Variants in MLYCD observed in about 807,000 individuals in gnomAD.
The protein encoded by MLYCD is malonyl-CoA decarboxylase, mitochondrial.
Under a neutral mutation model 35.8 loss-of-function variants are expected in MLYCD, and 27 were observed. That is an observed-to-expected ratio of 0.75 (90% CI 0.56 to 1.04). MLYCD has a LOEUF of 1.04. Among genes scored for constraint, MLYCD ranks in the 50% least tolerant of loss-of-function variants. The pLI, the probability that MLYCD is intolerant of heterozygous loss-of-function variation, is 0.00. For missense variants in MLYCD, 917 were observed against 665.1 expected (o/e 1.38, Z -4.17); for synonymous variants, 403 against 302.4 (o/e 1.33, Z -3.45).
At chr16:83,903,928 G>A (rs936850059) in intron 1 of MLYCD, among the ~76,000 whole-genome samples, 1 of 152,196 alleles carries the variant, frequency 6.6e-6, no homozygotes. Flanking sequence ...TTCCCTGGTG[G>A]TGTTTGTATC....
Position 83,917,984 on chromosome 16 carries a change from G to A in MLYCD, c.*2495G>A, listed in dbSNP as rs887039657. The A allele has an allele frequency of 2.0e-5, 3 of 152,204 alleles. No homozygotes were observed. Among genetic ancestry groups the A allele is most frequent in the African/African-American group, 7.2e-5 (3 of 41,440 alleles). The allele number at this position is 152,204 out of a possible 1,614,324, so 9.4% of individuals were successfully genotyped here. A position where few individuals can be genotyped will look rare whatever the true frequency, so the allele number is the denominator to read the frequency against. On this transcript the variant is annotated 3_prime_UTR_variant, in exon 5 of 5. Transcript: ENST00000262430. ...ACGGGCTCAGGTGACATCTGCCGAG[G>A]CTTTGGCTCACCAGAGGAGTTTGTA...
intron 3 of MLYCD, among the ~76,000 whole-genome samples, chr16:83,910,555 T>C (rs1355255900): frequency 6.6e-6 from 1 of 151,870 alleles, no homozygotes; most frequent in East Asian, 2.0e-4. Context: ...CCGGGTGTGG[T>C]GGTGTGCACC....
chr16:83,915,232 G>A lies in MLYCD; in HGVS notation c.1225G>A (p.Glu409Lys). Reference sequence around the variant, plus strand: ...GCTGTGCGCCTGGTACCTGTATGGAGAGAAGCACCGCGGCTACGCGCTGAA... The same window carrying A: ...GCTGTGCGCCTGGTACCTGTATGGAAAGAAGCACCGCGGCTACGCGCTGAA... ...MRLCAWYLYG[E>K]KHRGYALNPV... The change falls in exon 5 of 5, where the codon GAG becomes AAG. Residue 409 changes from glutamate (E) to lysine (K), a missense_variant. Physicochemically the swap from Glu to Lys is moderately conservative, Grantham distance 56 (BLOSUM62 1). Coordinates refer to ENST00000262430, the MANE Select transcript of MLYCD (RefSeq NM_012213.3). 1.9e-6 allele frequency: 3 copies of A among 1,613,460 alleles called. No individual in the cohort carries two copies. The highest frequency in any genetic ancestry group is 1.7e-6 in the Non-Finnish European group (2 of 1,179,430).
intron 4 of MLYCD, chr16:83,914,217 C>G (rs1907288277): frequency 6.5e-6 from 1 of 152,786 alleles, no homozygotes; most frequent in Non-Finnish European, 1.5e-5. Flanking sequence ...AGATCTCTAT[C>G]TAGTTGGGAC....
rs913076585 is a variant in MLYCD at position 83,925,424 on chromosome 16, C to G, written c.*9935C>G. On this transcript the variant is annotated 3_prime_UTR_variant, in exon 5 of 5. Transcript: ENST00000262430. ...CTCTTCATTTCCCTGGCCCAGGTTA[C>G]AAAGTCTCCTTCCTGATTATGTGCA... is the stretch of plus-strand genomic sequence containing the variant. The G allele has an allele frequency of 1.3e-5, 2 of 152,460 alleles. No homozygotes were observed. The highest frequency in any genetic ancestry group is 2.4e-5 in the African/African-American group (1 of 41,468). The allele number at this position is 152,460 out of a possible 1,614,324, so 9.4% of individuals were successfully genotyped here.
chr16:83,908,391 A>T (rs1907058178), intron 3 of MLYCD, 109 bp downstream of exon 3: 8 of 1,281,158 alleles, frequency 6.2e-6, no homozygotes. Context: ...TTTTTTTTTA[A>T]ATAAATGGTT....
intron 3 of MLYCD, among the ~76,000 whole-genome samples, chr16:83,911,191 G>A (rs1268028451): frequency 6.6e-6 from 1 of 152,026 alleles, no homozygotes; most frequent in South Asian, 2.1e-4. Context: ...TGTTAGCCAG[G>A]GTGGTCTCGA....
intron 3 of MLYCD, among the ~76,000 whole-genome samples, chr16:83,909,433 A>T (rs1362333403): frequency 6.6e-6 from 1 of 152,218 alleles, no homozygotes; most frequent in African/African-American, 2.4e-5. Context: ...TTGTAGGTTT[A>T]TATGGAAAAC....
intron 1 of MLYCD, among the ~76,000 whole-genome samples, chr16:83,903,098 G>T (rs1035676250): frequency 6.6e-6 from 1 of 152,192 alleles, no homozygotes; most frequent in Non-Finnish European, 1.5e-5. Context: ...GCGAGGTTCA[G>T]TGATTTGTGG....
chr16:83,917,175 G>C lies in MLYCD; in HGVS notation c.*1686G>C, dbSNP rs994411265. 1 of 134,656 alleles carries C rather than the reference G, an allele frequency of 7.4e-6. No individual in the cohort carries two copies. Among genetic ancestry groups the C allele is most frequent in the Non-Finnish European group, 1.5e-5 (1 of 64,916 alleles). The allele number at this position is 134,656 out of a possible 1,614,324, so 8.3% of individuals were successfully genotyped here. On this transcript the variant is annotated 3_prime_UTR_variant, in exon 5 of 5. Transcript: ENST00000262430. The stretch of plus-strand genomic sequence containing the variant: ...CACGCCTGTGTGCGTGTGCACGAGC[G>C]TCTCTGTGTGTGTCAGTGCACGTCT...
Position 83,899,759 on chromosome 16 carries a change from C to T in MLYCD, c.528+87C>T. 2.2e-6 allele frequency: 3 copies of T among 1,378,354 alleles called. 1 individual carries two copies. In the South Asian group the frequency reaches 4.4e-5, roughly 20 times the overall value. The allele number at this position is 1,378,354 out of a possible 1,614,324, so 85.4% of individuals were successfully genotyped here. On this transcript the variant is annotated intron_variant, in intron 1 of 4. Transcript: ENST00000262430. The stretch of plus-strand genomic sequence containing the variant: ...ACTTGCCCCCTCCAAGTCCCACACA[C>T]CCCGCCTTCCCTGCCCGATAGCACG...
At chr16:83,909,628 T>G (rs571348067) in intron 3 of MLYCD, among the ~76,000 whole-genome samples, 10,768 of 150,536 alleles carry the variant, frequency 0.072, 485 homozygotes, top group East Asian at 0.11. Flanking sequence ...GTGTTTTTTT[T>G]TTTTTTTTTT....
At chr16:83,904,565 A>G (rs1906910082) in intron 1 of MLYCD, among the ~76,000 whole-genome samples, 1 of 152,144 alleles carries the variant, frequency 6.6e-6, no homozygotes, top group South Asian at 2.1e-4. Context: ...TTTTCATTTG[A>G]TATCAATCTA....
At chr16:83,907,782 T>A (rs903833148) in intron 2 of MLYCD, among the ~76,000 whole-genome samples, 13 of 152,184 alleles carry the variant, frequency 8.5e-5, no homozygotes, top group Admixed American at 5.9e-4. Flanking sequence ...CACTGACGGC[T>A]TCACAGAGAT....
Position 83,908,247 on chromosome 16 carries a change from G to A in MLYCD, c.763G>A (p.Val255Met), listed in dbSNP as rs377566911. 58 of 1,614,038 alleles carry A rather than the reference G, an allele frequency of 3.6e-5. No homozygotes were observed. The highest frequency in any genetic ancestry group is 1.2e-4 in the African/African-American group (9 of 74,908). The part of the protein sequence containing the change: ...TPGEPLVVLH[V>M]ALTGDISSNI... Reference sequence around the variant, plus strand: ...TGGGGAGCCCCTGGTCGTTTTGCACGTGGCACTGACTGGTGACATCTCCAG... The same window carrying A: ...TGGGGAGCCCCTGGTCGTTTTGCACATGGCACTGACTGGTGACATCTCCAG... Residue 255 changes from valine to methionine, a missense_variant, in exon 3 of 5, where the codon GTG becomes ATG. Transcript: ENST00000262430.
intron 1 of MLYCD, among the ~76,000 whole-genome samples, chr16:83,905,884 G>T (rs1049696183): frequency 6.6e-6 from 1 of 152,222 alleles, no homozygotes; most frequent in Non-Finnish European, 1.5e-5. Context: ...CCGAGGCGAC[G>T]CTGCTCCTGC....
chr16:83,912,265 A>G lies in MLYCD; in HGVS notation c.846A>G (p.Lys282=). The G allele has an allele frequency of 6.2e-7, 1 of 1,614,224 alleles. No homozygotes were observed. The highest frequency in any genetic ancestry group is 1.1e-5 in the South Asian group (1 of 91,086). The change falls in exon 4 of 5, where the codon AAA becomes AAG. Residue 282 remains lysine, a synonymous_variant. Coordinates refer to ENST00000262430, the MANE Select transcript of MLYCD (RefSeq NM_012213.3). ...CATCAGAAACAGAAGAGAAGAACAA[A>G]ATCACTGCTGCGATCTTTTATTCCA... ...HPPSETEEKN[K]ITAAIFYSIS... is the part of the protein sequence containing the mutation.
Position 83,899,185 on chromosome 16 carries a change from T to A in MLYCD, c.41T>A (p.Leu14His), listed in dbSNP as rs956352614. 5.1e-6 allele frequency: 6 copies of A among 1,171,782 alleles called. No homozygotes were observed. The highest frequency in any genetic ancestry group is 6.3e-6 in the Non-Finnish European group (6 of 953,094). 72.6% of individuals were successfully genotyped at this position (1,171,782 alleles called of 1,614,324 possible). ...FGPGLTARRL[L>H]PLRLPPRPPG... ...CCAGGCTTGACGGCCAGGCGTCTCC[T>A]CCCGCTGCGGTTGCCCCCGCGGCCG... Residue 14 changes from leucine (L) to histidine (H), a missense_variant, in exon 1 of 5, where the codon CTC (leucine) becomes CAC (histidine). By Grantham distance (99) the Leu-to-His change is moderately conservative. Coordinates refer to ENST00000262430, the MANE Select transcript of MLYCD (RefSeq NM_012213.3).
chr16:83,904,610 A>C (rs955042610), intron 1 of MLYCD, among the ~76,000 whole-genome samples: 7 of 152,274 alleles, frequency 4.6e-5, no homozygotes, highest in African/African-American at 1.7e-4. Context: ...AAAATGAATC[A>C]GAAGTGGATC....
Sources: gnomAD v4.1 joint callset for allele counts (sites outside exome capture counted in the v4.1 genomes callset) on GRCh38, gnomAD v4.1.1 for gene constraint, MANE v1.5 for transcripts, NCBI Gene and HGNC (gene_info 2026-07-23, HGNC 2026-07-21) for gene names.